Variants in MUC15 observed in about 807,000 individuals in gnomAD.
The protein encoded by MUC15 is mucin 15, cell surface associated.
In MUC15, 23 loss-of-function variants were observed where a neutral mutation model predicts 24.0. That is an observed-to-expected ratio of 0.96 (90% confidence interval 0.69 to 1.36). The LOEUF is 1.36. MUC15 is among the 40% of genes most tolerant of loss of function. MUC15 has a pLI of 0.00. For missense variants in MUC15, 442 were observed against 428.2 expected (o/e 1.03, Z -0.29); for synonymous variants, 151 against 156.3 (o/e 0.97, Z 0.25).
chr11:26,572,228 G>C lies in MUC15; in HGVS notation c.-233C>G. On this transcript the variant is annotated 5_prime_UTR_variant, in exon 1 of 5. Transcript: ENST00000529533. Reference sequence around the variant, plus strand: ...TCTTGCTTGTGTAACAGAGCGCCCAGGAACCTGACTGACCTGCTTCTCAGC... The same window carrying C: ...TCTTGCTTGTGTAACAGAGCGCCCACGAACCTGACTGACCTGCTTCTCAGC... 1 of 985,402 alleles carries C rather than the reference G, an allele frequency of 1.0e-6. No individual in the cohort carries two copies. Among genetic ancestry groups the C allele is most frequent in the Non-Finnish European group, 1.2e-6 (1 of 830,012 alleles). 61.0% of individuals were successfully genotyped at this position (985,402 alleles called of 1,614,324 possible).
Position 26,559,706 on chromosome 11 carries a change from GT to G in MUC15, c.*1358del, listed in dbSNP as rs1850205835. ...ATTTGCATGACTAATATTTCTGTTT[GT>G]TTTCTACTCAGGTGACATATTTGTT... On this transcript the variant is annotated 3_prime_UTR_variant, in exon 5 of 5. Transcript: ENST00000529533. 1 of 1,604,020 alleles carries G rather than the reference GT, an allele frequency of 6.2e-7. No homozygotes were observed. The highest frequency in any genetic ancestry group is 2.2e-5 in the East Asian group (1 of 44,762).
Position 26,563,142 on chromosome 11 carries a change from C to T in MUC15, c.899G>A (p.Arg300Gln), listed in dbSNP as rs745838488. 76 of 1,611,896 alleles carry T rather than the reference C, an allele frequency of 4.7e-5. No individual in the cohort carries two copies. In the Admixed American group the frequency reaches 6.4e-4, roughly 13 times the overall value. The change falls in exon 4 of 5, where the codon CGA becomes CAA. Residue 300 changes from arginine to glutamine, a missense_variant. Transcript: ENST00000529533. ...TGGTTCATTTCTGTCGTCATAAAGTCGCCGATGGGAAAATGAATCCGTTTT... is the reference window on the plus strand; with the variant it reads ...TGGTTCATTTCTGTCGTCATAAAGTTGCCGATGGGAAAATGAATCCGTTTT... Reference protein sequence around the residue: ...KRKTDSFSHRRLYDDRNEPVL... With the variant: ...KRKTDSFSHRQLYDDRNEPVL...
Position 26,559,872 on chromosome 11 carries a change from A to C in MUC15, c.*1193T>G, listed in dbSNP as rs183288799. 302 of 803,346 alleles carry C rather than the reference A, an allele frequency of 3.8e-4. No individual in the cohort carries two copies. The highest frequency in any genetic ancestry group is 5.9e-4 in the Non-Finnish European group (288 of 488,474). 49.8% of individuals were successfully genotyped at this position (803,346 alleles called of 1,614,324 possible). Reference sequence around the variant, plus strand: ...CACACACACACACACACACACACACACACCATGAATCAATTCAAAAATAAA... The same window carrying C: ...CACACACACACACACACACACACACCCACCATGAATCAATTCAAAAATAAA... On this transcript the variant is annotated 3_prime_UTR_variant, in exon 5 of 5. Coordinates refer to ENST00000529533, the MANE Select transcript of MUC15 (RefSeq NM_001135091.2).
chr11:26,569,886 G>T (rs977603276), intron 1 of MUC15, among the ~76,000 whole-genome samples: 2 of 152,012 alleles, frequency 1.3e-5, no homozygotes, highest in African/African-American at 4.8e-5. Context: ...AAGTAGAATT[G>T]CAGAGGGAGA....
intron 3 of MUC15, among the ~76,000 whole-genome samples, chr11:26,564,746 T>C (rs1238119679): frequency 1.8e-4 from 10 of 55,340 alleles, no homozygotes; most frequent in South Asian, 6.4e-4. Flanking sequence ...TATATATATA[T>C]ATATATATAT....
At chr11:26,562,928 T>G in intron 4 of MUC15, 188 bp downstream of exon 4, 1 of 735,088 alleles carries the variant, frequency 1.4e-6, no homozygotes, top group Non-Finnish European at 1.9e-6. Flanking sequence ...TTTTTAAATT[T>G]CAGTCACAGG....
intron 3 of MUC15, 140 bp from the exon 4 acceptor site, chr11:26,563,405 G>C (rs867065134): frequency 0.014 from 5,212 of 384,548 alleles, 140 homozygotes; most frequent in African/African-American, 0.086. Context: ...CTGTGTGTGT[G>C]TGTGTGTGTG....
chr11:26,571,877 T>TA (rs1414504037), intron 1 of MUC15, among the ~76,000 whole-genome samples, 164 bp downstream of exon 1: 1 of 152,148 alleles, frequency 6.6e-6, no homozygotes, highest in African/African-American at 2.4e-5. Flanking sequence ...CATTACTTAA[T>TA]AAAACAACTA....
chr11:26,565,622 G>T lies in MUC15; in HGVS notation c.318C>A (p.Asn106Lys), dbSNP rs534399976. 1 of 1,612,410 alleles carries T rather than the reference G, an allele frequency of 6.2e-7. No homozygotes were observed. The highest frequency in any genetic ancestry group is 2.2e-5 in the East Asian group (1 of 44,848). ...AGAAATCTGTTATTCCGTGGCTGTT[G>T]TTGGGTAGATTCAAAGGAGGGGAAT... Reference protein sequence around the residue: ...ASHSPPLNLPNNSHGITDFSS... With the variant: ...ASHSPPLNLPKNSHGITDFSS... Residue 106 changes from asparagine to lysine, a missense_variant, in exon 3 of 5, where the codon AAC becomes AAA. Asn to Lys is a moderately conservative substitution (Grantham distance 94, BLOSUM62 0). Transcript: ENST00000529533.
chr11:26,563,361 C>A, intron 3 of MUC15, 96 bp from the exon 4 acceptor site: 4 of 1,229,324 alleles, frequency 3.3e-6, no homozygotes, highest in Admixed American at 2.8e-5. Context: ...GAATGTTTAA[C>A]ATTTTAAAAT....
Position 26,559,869 on chromosome 11 carries a change from C to G in MUC15, c.*1196G>C. On this transcript the variant is annotated 3_prime_UTR_variant, in exon 5 of 5. Coordinates refer to ENST00000529533, the MANE Select transcript of MUC15 (RefSeq NM_001135091.2). ...ACACACACACACACACACACACACA[C>G]ACACACCATGAATCAATTCAAAAAT... 3.2e-5 allele frequency: 26 copies of G among 813,358 alleles called. No homozygotes were observed. Among genetic ancestry groups the G allele is most frequent in the Non-Finnish European group, 4.7e-5 (23 of 491,754 alleles). The allele number at this position is 813,358 out of a possible 1,614,324, so 50.4% of individuals were successfully genotyped here.
rs1248459831 is a variant in MUC15, at chr11:26,559,868, A to ACACAC, written c.*1192_*1196dup. 20 of 814,368 alleles carry ACACAC rather than the reference A, an allele frequency of 2.5e-5. No individual in the cohort carries two copies. Among genetic ancestry groups the ACACAC allele is most frequent in the Non-Finnish European group, 3.7e-5 (18 of 491,804 alleles). 50.4% of individuals were successfully genotyped at this position (814,368 alleles called of 1,614,324 possible). A position where few individuals can be genotyped will look rare whatever the true frequency, so the allele number is the denominator to read the frequency against. On this transcript the variant is annotated 3_prime_UTR_variant, in exon 5 of 5. Coordinates refer to ENST00000529533, the MANE Select transcript of MUC15 (RefSeq NM_001135091.2). ...CACACACACACACACACACACACAC[A>ACACAC]CACACACCATGAATCAATTCAAAAA...
intron 1 of MUC15, among the ~76,000 whole-genome samples, chr11:26,571,202 G>T (rs1251043972): frequency 6.6e-6 from 1 of 152,030 alleles, no homozygotes; most frequent in African/African-American, 2.4e-5. Context: ...TCTCCGAAAG[G>T]AAAGTTCTAG....
At chr11:26,569,178 G>A (rs1168639987) in intron 1 of MUC15, among the ~76,000 whole-genome samples, 1 of 151,956 alleles carries the variant, frequency 6.6e-6, no homozygotes, top group East Asian at 1.9e-4. Context: ...ACCACCAAGG[G>A]GATCTCTCAT....
chr11:26,568,875 T>C (rs955060521), intron 1 of MUC15, among the ~76,000 whole-genome samples: 1 of 152,072 alleles, frequency 6.6e-6, no homozygotes, highest in African/African-American at 2.4e-5. Context: ...CTCCTTTTCA[T>C]TATCTACGGC....
rs779223477 is a variant in MUC15 at position 26,565,786 on chromosome 11, C to G, written c.154G>C (p.Glu52Gln). The part of the protein sequence containing the change: ...YSLLSGSHGK[E>Q]NQDINTTQNI... ...TGTGTTGTGTTTATGTCTTGATTTTCTTTTCCATGGCTCCCCGATAGAAGT... is the reference window on the plus strand; with the variant it reads ...TGTGTTGTGTTTATGTCTTGATTTTGTTTTCCATGGCTCCCCGATAGAAGT... Residue 52 changes from glutamate (E) to glutamine (Q), a missense_variant, in exon 3 of 5, where the codon GAA (glutamate) becomes CAA (glutamine). Coordinates refer to ENST00000529533, the MANE Select transcript of MUC15 (RefSeq NM_001135091.2). The G allele has an allele frequency of 6.2e-7, 1 of 1,609,602 alleles. No individual in the cohort carries two copies. Among genetic ancestry groups the G allele is most frequent in the Non-Finnish European group, 8.5e-7 (1 of 1,176,950 alleles).
In MUC15 at chr11:26,559,868, A is replaced by ACAC; in HGVS notation, c.*1194_*1196dup. The ACAC allele has an allele frequency of 2.5e-6, 2 of 814,490 alleles. No individual in the cohort carries two copies. Among genetic ancestry groups the ACAC allele is most frequent in the Non-Finnish European group, 2.0e-6 (1 of 491,798 alleles). The allele number at this position is 814,490 out of a possible 1,614,324, so 50.5% of individuals were successfully genotyped here. ...CACACACACACACACACACACACACACACACACCATGAATCAATTCAAAAA... is the reference window on the plus strand; with the variant it reads ...CACACACACACACACACACACACACACACCACACACCATGAATCAATTCAAAAA... On this transcript the variant is annotated 3_prime_UTR_variant, in exon 5 of 5. Coordinates refer to ENST00000529533, the MANE Select transcript of MUC15 (RefSeq NM_001135091.2).
At position 26,559,868 on chromosome 11, in the gene MUC15, ACACACAC is replaced by A; in HGVS notation, c.*1190_*1196del. 1 of 814,490 alleles carries A rather than the reference ACACACAC, an allele frequency of 1.2e-6. No individual in the cohort carries two copies. Among genetic ancestry groups the A allele is most frequent in the East Asian group, 2.7e-5 (1 of 37,008 alleles). The allele number at this position is 814,490 out of a possible 1,614,324, so 50.5% of individuals were successfully genotyped here. A position where few individuals can be genotyped will look rare whatever the true frequency, so the allele number is the denominator to read the frequency against. Reference sequence around the variant, plus strand: ...CACACACACACACACACACACACACACACACACCATGAATCAATTCAAAAATAAAGCC... The same window carrying A: ...CACACACACACACACACACACACACACATGAATCAATTCAAAAATAAAGCC... On this transcript the variant is annotated 3_prime_UTR_variant, in exon 5 of 5. Coordinates refer to ENST00000529533, the MANE Select transcript of MUC15 (RefSeq NM_001135091.2).
intron 4 of MUC15, 162 bp downstream of exon 4, chr11:26,562,954 G>T: frequency 9.8e-7 from 1 of 1,018,760 alleles, no homozygotes; most frequent in Non-Finnish European, 1.3e-6. Context: ...AATTATTTTG[G>T]TTTTGTTCTT....
Sources: allele counts gnomAD v4.1 joint callset (sites outside exome capture counted in the v4.1 genomes callset), GRCh38; gene constraint gnomAD v4.1.1; transcripts MANE v1.5; gene names NCBI Gene and HGNC (gene_info 2026-07-23, HGNC 2026-07-21).